Variants in DOCK1 observed in about 807,000 individuals in gnomAD.
The protein encoded by DOCK1 is dedicator of cytokinesis 1.
In DOCK1, 138 loss-of-function variants were observed where a neutral mutation model predicts 262.7. The observed-to-expected ratio is 0.53, with a 90% CI of 0.46 to 0.61. The LOEUF is 0.61. Ranked by LOEUF, DOCK1 falls within the 20% of genes least tolerant of loss-of-function variation. The pLI is 0.00. For missense variants in DOCK1, 1,908 were observed against 2,370.7 expected (o/e 0.80, Z 4.05); for synonymous variants, 866 against 867.4 (o/e 1.00, Z 0.03).
At chr10:127,004,986 G>A (rs537152895) in intron 10 of DOCK1, among the ~76,000 whole-genome samples, 29 of 151,914 alleles carry the variant, frequency 1.9e-4, no homozygotes, top group African/African-American at 7.0e-4. Flanking sequence ...TTTTTAATAG[G>A]ACTTGCTTCT....
intron 38 of DOCK1, among the ~76,000 whole-genome samples, chr10:127,386,973 T>G (rs1043447164): frequency 2.0e-5 from 3 of 152,176 alleles, no homozygotes; most frequent in Non-Finnish European, 4.4e-5. Flanking sequence ...ATGGAGCAAA[T>G]GCAGCCATCC....
chr10:127,048,619 C>T (rs2044503977), intron 21 of DOCK1, among the ~76,000 whole-genome samples: 1 of 152,138 alleles, frequency 6.6e-6, no homozygotes, highest in African/African-American at 2.4e-5. Flanking sequence ...TGTCTAATGT[C>T]ACAGCACTAG....
intron 22 of DOCK1, among the ~76,000 whole-genome samples, chr10:127,061,161 G>T (rs139643027): frequency 6.4e-4 from 98 of 152,302 alleles, no homozygotes; most frequent in Middle Eastern, 6.8e-3. Context: ...CCAGGAAGCG[G>T]TGGTTGCAGT....
intron 38 of DOCK1, among the ~76,000 whole-genome samples, chr10:127,390,902 A>ATTGGACGGTGGTTCCTG (rs1227289789): frequency 5.1e-4 from 78 of 152,346 alleles, no homozygotes; most frequent in African/African-American, 1.6e-3. Context: ...TGTGGCTCCT[A>ATTGGACGGTGGTTCCTG]TTGGACGGTG....
intron 27 of DOCK1, among the ~76,000 whole-genome samples, chr10:127,153,103 C>T (rs1484964468): frequency 2.0e-5 from 3 of 152,146 alleles, no homozygotes; most frequent in South Asian, 2.1e-4. Flanking sequence ...TAAAATTATT[C>T]TCCAGTCTAA....
chr10:126,957,405 G>A (rs1045873938), intron 1 of DOCK1, among the ~76,000 whole-genome samples: 4 of 152,116 alleles, frequency 2.6e-5, no homozygotes, highest in South Asian at 2.1e-4. Flanking sequence ...CCATCAAAGT[G>A]GAAATTCCAT....
chr10:127,236,790 C>G (rs1156745231), intron 27 of DOCK1, among the ~76,000 whole-genome samples: 1 of 152,036 alleles, frequency 6.6e-6, no homozygotes, highest in Admixed American at 6.6e-5. Context: ...TCACCATCAT[C>G]ATCACCACCA....
chr10:127,023,892 T>C (rs2042631791), intron 14 of DOCK1, among the ~76,000 whole-genome samples: 1 of 152,140 alleles, frequency 6.6e-6, no homozygotes, highest in African/African-American at 2.4e-5. Flanking sequence ...CCCTAAGAAA[T>C]CAATTAAATT....
intron 28 of DOCK1, among the ~76,000 whole-genome samples, chr10:127,256,862 G>C (rs2059842347): frequency 6.6e-6 from 1 of 152,188 alleles, no homozygotes; most frequent in Admixed American, 6.5e-5. Context: ...CAGATGGTCA[G>C]GAGTACCTGT....
At chr10:127,117,480 GAATA>G in intron 25 of DOCK1, among the ~76,000 whole-genome samples, 1 of 152,310 alleles carries the variant, frequency 6.6e-6, no homozygotes, top group Middle Eastern at 3.4e-3. Flanking sequence ...ACAAATAAGT[GAATA>G]AATAAACATA....
intron 7 of DOCK1, among the ~76,000 whole-genome samples, chr10:126,997,498 CG>C (rs57755295): frequency 0.67 from 100,527 of 150,532 alleles, 33,601 homozygotes; most frequent in South Asian, 0.79. Context: ...AGAGGGTGTG[CG>C]GGGGGGTGCT....
At chr10:127,433,779 C>G (rs950398164) in intron 48 of DOCK1, among the ~76,000 whole-genome samples, 11 of 152,072 alleles carry the variant, frequency 7.2e-5, no homozygotes, top group African/African-American at 2.4e-4. Flanking sequence ...TTGAATGTGG[C>G]CCAACACCAA....
At chr10:127,240,587 T>C (rs2134687668) in intron 27 of DOCK1, among the ~76,000 whole-genome samples, 1 of 152,288 alleles carries the variant, frequency 6.6e-6, no homozygotes, top group Admixed American at 6.5e-5. Context: ...TGACATACTT[T>C]TTGAGGGCAC....
chr10:127,330,439 TTGA>T (rs1283542635), intron 29 of DOCK1, among the ~76,000 whole-genome samples: 8 of 151,464 alleles, frequency 5.3e-5, no homozygotes, highest in Non-Finnish European at 1.0e-4. Flanking sequence ...ATAACAAGTG[TTGA>T]TGAGGGTGTG....
Position 127,026,423 on chromosome 10 carries a change from CTG to C in DOCK1, c.1624+2_1624+3del. The stretch of plus-strand genomic sequence containing the variant: ...CCTTCCGCCACAGGTCATCACAGGA[CTG>C]TGAGTAGTCAAGCACTTTCTTCCCC... On this transcript the variant is annotated splice_donor_variant and coding_sequence_variant, in exon 16 of 52. Transcript: ENST00000623213. LOFTEE classifies it high-confidence loss of function. 1 of 1,575,996 alleles carries C rather than the reference CTG, an allele frequency of 6.3e-7. No individual in the cohort carries two copies. Among genetic ancestry groups the C allele is most frequent in the South Asian group, 1.2e-5 (1 of 85,486 alleles).
In DOCK1 at chr10:127,024,810, CAT is replaced by C. The variant is rs1200004218; in HGVS notation, c.1551+28_1551+29del. The C allele has an allele frequency of 1.9e-6, 3 of 1,543,794 alleles. No homozygotes were observed. The African/African-American group carries it at 4.1e-5, about 21-fold the overall frequency. On this transcript the variant is annotated intron_variant, in intron 15 of 51. Coordinates refer to ENST00000623213, the MANE Select transcript of DOCK1 (RefSeq NM_001290223.2). ...TATTATTTACATGGTCATTTTATCA[CAT>C]GGCGCTGATTATGAAATGCTCATTT...
intron 43 of DOCK1, among the ~76,000 whole-genome samples, chr10:127,411,679 A>G (rs11017961): frequency 0.35 from 53,804 of 151,906 alleles, 10,779 homozygotes; most frequent in East Asian, 0.57. Flanking sequence ...TGTCTCTACT[A>G]AAAGTACAAC....
chr10:127,103,885 T>C (rs2048388761), intron 23 of DOCK1, among the ~76,000 whole-genome samples: 1 of 152,246 alleles, frequency 6.6e-6, no homozygotes, highest in Non-Finnish European at 1.5e-5. Flanking sequence ...TCTTCTAAAG[T>C]TGCTGAACTA....
chr10:127,268,577 C>CCCCATT (rs2060456628), intron 29 of DOCK1, among the ~76,000 whole-genome samples: 1 of 151,006 alleles, frequency 6.6e-6, no homozygotes, highest in African/African-American at 2.4e-5. Flanking sequence ...CTCTCTTCTC[C>CCCCATT]TTGTTTCCCC....
Sources: allele counts gnomAD v4.1 joint callset (sites outside exome capture counted in the v4.1 genomes callset), GRCh38; gene constraint gnomAD v4.1.1; transcripts MANE v1.5; gene names NCBI Gene and HGNC (gene_info 2026-07-23, HGNC 2026-07-21).